The following UTRN variants were observed in gnomAD, a reference collection of about 807,000 sequenced individuals.
UTRN encodes utrophin.
Under a neutral mutation model 463.9 loss-of-function variants are expected in UTRN, and 283 were observed. That is an observed-to-expected ratio of 0.61 (90% CI 0.55 to 0.67). The LOEUF (loss-of-function observed/expected upper bound fraction) is 0.67. UTRN is among the 30% of genes least tolerant of loss of function. The pLI is 0.00. For missense variants in UTRN, 3,922 were observed against 4,084.3 expected, an observed-to-expected ratio of 0.96 and a Z score of 1.08; for synonymous variants, 1,442 against 1,431.5, an observed-to-expected ratio of 1.01 and a Z score of -0.17.
At chr6:144,648,986 G>T (rs1778541441) in intron 51 of UTRN, among the ~76,000 whole-genome samples, 1 of 152,158 alleles carries the variant, frequency 6.6e-6, no homozygotes, top group Non-Finnish European at 1.5e-5. Context: ...GGAAGGGAAA[G>T]CACATTGGCA....
intron 2 of UTRN, among the ~76,000 whole-genome samples, chr6:144,371,526 C>T (rs1330088517): frequency 1.3e-5 from 2 of 152,242 alleles, no homozygotes; most frequent in Non-Finnish European, 2.9e-5. Flanking sequence ...ATTCTCCTGC[C>T]TCAGCCTCCC....
At position 144,493,317 on chromosome 6, in the gene UTRN, T is replaced by G. The variant is rs1378278219; in HGVS notation, c.4454T>G (p.Leu1485Trp). Reference sequence around the variant, plus strand: ...GTTTTAAAGAAACTGTATAAAACTTTGAGTGAAGTCAAACTTGAAGTGGAA... The same window carrying G: ...GTTTTAAAGAAACTGTATAAAACTTGGAGTGAAGTCAAACTTGAAGTGGAA... ...LDKCMKLYKT[L>W]SEVKLEVETV... is the part of the protein sequence containing the mutation. Residue 1485 changes from leucine (L) to tryptophan (W), a missense_variant, in exon 33 of 75, where the codon TTG becomes TGG. By Grantham distance (61) the Leu-to-Trp change is moderately conservative. Around this residue, in one of 3 missense-constraint regions of UTRN, gnomAD observed 2,349 missense variants for 2,303.8 expected, o/e 1.02. Coordinates refer to ENST00000367545, the MANE Select transcript of UTRN (RefSeq NM_007124.3). 1.2e-6 allele frequency: 2 copies of G among 1,614,024 alleles called. No homozygotes were observed. Among genetic ancestry groups the G allele is most frequent in the Non-Finnish European group, 1.7e-6 (2 of 1,179,996 alleles).
chr6:144,740,479 G>GT (rs1295080250), intron 54 of UTRN, among the ~76,000 whole-genome samples: 2 of 152,126 alleles, frequency 1.3e-5, no homozygotes, highest in African/African-American at 4.8e-5. Flanking sequence ...TGAAGTATAA[G>GT]TAATTGCTTT....
Position 144,451,263 on chromosome 6 carries a change from G to T in UTRN, c.2073-107G>T. 2 of 1,325,772 alleles carry T rather than the reference G, an allele frequency of 1.5e-6. 1 individual carries two copies. Among genetic ancestry groups the T allele is most frequent in the South Asian group, 3.7e-5 (2 of 54,128 alleles). 82.1% of individuals were successfully genotyped at this position (1,325,772 alleles called of 1,614,324 possible). The stretch of plus-strand genomic sequence containing the variant: ...TTTCTGGGTTGCTGTTTTTGGGGGA[G>T]TGATAAAAAGACATATTCCTGATGA... On this transcript the variant is annotated intron_variant, in intron 17 of 74. Coordinates refer to ENST00000367545, the MANE Select transcript of UTRN (RefSeq NM_007124.3).
chr6:144,553,785 C>A (rs1799137962), intron 48 of UTRN, among the ~76,000 whole-genome samples: 1 of 151,962 alleles, frequency 6.6e-6, no homozygotes, highest in African/African-American at 2.4e-5. Flanking sequence ...TGGCACACAC[C>A]TATAGTCCCA....
intron 51 of UTRN, among the ~76,000 whole-genome samples, chr6:144,621,166 A>C (rs1373744509): frequency 1.3e-5 from 2 of 152,222 alleles, no homozygotes; most frequent in Non-Finnish European, 2.9e-5. Context: ...TATTACAGGT[A>C]AAGTGCTTAG....
intron 52 of UTRN, among the ~76,000 whole-genome samples, chr6:144,690,093 T>TGTGTGTGTG (rs1339432168): frequency 1.0e-3 from 35 of 33,692 alleles, no homozygotes; most frequent in Middle Eastern, 0.014. Flanking sequence ...TTTTTTTTTT[T>TGTGTGTGTG]TTTGTGTGTG....
intron 2 of UTRN, among the ~76,000 whole-genome samples, chr6:144,376,022 C>T (rs780596578): frequency 3.9e-5 from 6 of 152,114 alleles, no homozygotes; most frequent in Non-Finnish European, 7.3e-5. Flanking sequence ...GGGTTTCACT[C>T]TGTCACCCAG....
rs1156923385 is a variant in UTRN, at chr6:144,836,374, G to C, written c.9898G>C (p.Glu3300Gln). 6.2e-7 allele frequency: 1 copy of C among 1,613,988 alleles called. No homozygotes were observed. The highest frequency in any genetic ancestry group is 8.5e-7 in the Non-Finnish European group (1 of 1,180,006). ...RRGLPVGSPPESIISPHHTSE... is the reference protein window; with the variant it reads ...RRGLPVGSPPQSIISPHHTSE... ...GGGGCTCCCTGTCGGTTCACCGCCA[G>C]AGTCGATTATATCTCCCCATCACAC... The change falls in exon 71 of 75, where the codon GAG becomes CAG. Residue 3300 changes from glutamate (E) to glutamine (Q), a missense_variant. Around this residue, in one of 3 missense-constraint regions of UTRN, gnomAD observed 1,309 missense variants for 1,452.6 expected, o/e 0.90. Transcript: ENST00000367545.
At chr6:144,631,237 G>GAGAGGTGTGTGT (rs111543509) in intron 51 of UTRN, among the ~76,000 whole-genome samples, 1 of 147,418 alleles carries the variant, frequency 6.8e-6, no homozygotes, top group Non-Finnish European at 1.5e-5. Flanking sequence ...GAGAGAGAGA[G>GAGAGGTGTGTGT]GTGTGTGTGT....
chr6:144,834,303 G>A (rs986956700), intron 69 of UTRN, among the ~76,000 whole-genome samples: 1 of 152,078 alleles, frequency 6.6e-6, no homozygotes, highest in African/African-American at 2.4e-5. Flanking sequence ...ATACACACAT[G>A]TTCATATCTA....
chr6:144,519,374 G>A (rs1478595571), intron 39 of UTRN, among the ~76,000 whole-genome samples: 4 of 151,960 alleles, frequency 2.6e-5, no homozygotes, highest in Non-Finnish European at 4.4e-5. Flanking sequence ...TTAGTTCCAG[G>A]TTTTTCCTAT....
At chr6:144,589,817 CAG>C (rs1802824151) in intron 51 of UTRN, among the ~76,000 whole-genome samples, 1 of 151,748 alleles carries the variant, frequency 6.6e-6, no homozygotes, top group Non-Finnish European at 1.5e-5. Context: ...CATAAGGAAA[CAG>C]AGATAGTCTA....
Position 144,531,059 on chromosome 6 carries a change from G to C in UTRN, c.5914G>C (p.Asp1972His), listed in dbSNP as rs753946450. ...RMYSDRKGCF[D>H]RAMEEWRQFH... Reference sequence around the variant, plus strand: ...TTGTGTATTGTCCTCTAGTTGTTTTGACAGGGCAATGGAAGAATGGAGACA... The same window carrying C: ...TTGTGTATTGTCCTCTAGTTGTTTTCACAGGGCAATGGAAGAATGGAGACA... The change falls in exon 42 of 75, where the codon GAC becomes CAC. Residue 1972 changes from aspartate to histidine, a missense_variant. By Grantham distance (81) the Asp-to-His change is moderately conservative. Transcript: ENST00000367545. 5 of 1,613,494 alleles carry C rather than the reference G, an allele frequency of 3.1e-6. No individual in the cohort carries two copies. In the East Asian group the frequency reaches 1.1e-4, roughly 36 times the overall value.
intron 54 of UTRN, among the ~76,000 whole-genome samples, chr6:144,732,867 C>A (rs1410782694): frequency 2.6e-5 from 4 of 152,068 alleles, no homozygotes; most frequent in Non-Finnish European, 2.9e-5. Flanking sequence ...CACAGACTAT[C>A]TTTTTTAAAA....
At chr6:144,415,762 T>C (rs543385096) in intron 3 of UTRN, among the ~76,000 whole-genome samples, 21 of 152,280 alleles carry the variant, frequency 1.4e-4, no homozygotes, top group African/African-American at 4.3e-4. Flanking sequence ...ATTCTGGCTC[T>C]TACGTAGAAG....
At chr6:144,509,526 A>G (rs1399079220) in intron 34 of UTRN, among the ~76,000 whole-genome samples, 1 of 152,068 alleles carries the variant, frequency 6.6e-6, no homozygotes, top group Non-Finnish European at 1.5e-5. Flanking sequence ...TTGAAATGAT[A>G]AAGATGATAT....
intron 61 of UTRN, among the ~76,000 whole-genome samples, chr6:144,786,635 A>G (rs1489668628): frequency 6.6e-6 from 1 of 151,974 alleles, no homozygotes; most frequent in Non-Finnish European, 1.5e-5. Flanking sequence ...GCCTTTGCTC[A>G]GGCTTTCTCT....
rs1320839365 is a variant in UTRN, at chr6:144,385,952, A to G, written c.80-17171A>G. Among the ~76,000 whole-genome samples the G allele has an allele frequency of 2.1e-4, 32 of 151,956 alleles. 1 individual carries two copies. On this transcript the variant is annotated intron_variant, in intron 2 of 74. Coordinates refer to ENST00000367545, the MANE Select transcript of UTRN (RefSeq NM_007124.3). Reference sequence around the variant, plus strand: ...TTGAACTTTTGACTTCAGATGATCCACCTGCCTCAGCCTCCCAAAGTGCTG... The same window carrying G: ...TTGAACTTTTGACTTCAGATGATCCGCCTGCCTCAGCCTCCCAAAGTGCTG...
Sources: allele counts gnomAD v4.1 joint callset (sites outside exome capture counted in the v4.1 genomes callset), GRCh38; gene constraint gnomAD v4.1.1; regional missense constraint gnomAD v4.1.1; transcripts MANE v1.5; gene names NCBI Gene and HGNC (gene_info 2026-07-23, HGNC 2026-07-21).